The following KRT84 variants were observed in gnomAD, a reference collection of about 807,000 sequenced individuals.
KRT84 encodes the protein keratin, type II cuticular Hb4.
Under a neutral mutation model 49.0 loss-of-function variants are expected in KRT84, and 38 were observed. The observed-to-expected ratio is 0.78, with a 90% CI of 0.60 to 1.02. KRT84 has a LOEUF of 1.02. Among genes scored for constraint, KRT84 ranks in the 50% least tolerant of loss-of-function variants. The pLI is 0.00. For missense variants in KRT84, 860 were observed against 788.6 expected, an observed-to-expected ratio of 1.09 and a Z score of -1.08; for synonymous variants, 334 against 312.8, an observed-to-expected ratio of 1.07 and a Z score of -0.72.
At chr12:52,384,764 G>A (rs1025884815) in intron 1 of KRT84, among the ~76,000 whole-genome samples, 5 of 152,124 alleles carry the variant, frequency 3.3e-5, no homozygotes, top group Admixed American at 6.5e-5. Flanking sequence ...TTAGTTTGTC[G>A]AGATGCCCTC....
At position 52,380,467 on chromosome 12, in the gene KRT84, G is replaced by A; in HGVS notation, c.1320C>T (p.Asp440=). Residue 440 remains aspartate, a synonymous_variant, in exon 7 of 9, where the codon GAC becomes GAT. Transcript: ENST00000257951. ...GGTACTCGCACAGCTGCCGCGCCAT[G>A]TCCTGCTTGGCCTGCTGCAGGGCAC... ...LECALQQAKQ[D]MARQLCEYQE... The A allele has an allele frequency of 6.2e-7, 1 of 1,614,218 alleles. No homozygotes were observed. Among genetic ancestry groups the A allele is most frequent in the Non-Finnish European group, 8.5e-7 (1 of 1,180,012 alleles).
chr12:52,383,878 C>T (rs1292542617), intron 1 of KRT84, 80 bp from the exon 2 acceptor site: 8 of 1,164,300 alleles, frequency 6.9e-6, no homozygotes, highest in East Asian at 2.4e-5. Flanking sequence ...AGATGGCCAG[C>T]GATGACTTGA....
At chr12:52,381,608 G>A (rs1939487041) in intron 4 of KRT84, 83 bp from the exon 5 acceptor site, 2 of 1,391,248 alleles carry the variant, frequency 1.4e-6, no homozygotes, top group East Asian at 2.3e-5. Flanking sequence ...CCAGGAAGTG[G>A]TGCCAGGGGC....
In KRT84 at chr12:52,378,142, G is replaced by A. The variant is rs191551919; in HGVS notation, c.1695C>T (p.Ser565=). 9.6e-5 allele frequency: 150 copies of A among 1,567,914 alleles called. No homozygotes were observed. Among genetic ancestry groups the A allele is most frequent in the Non-Finnish European group, 1.2e-4 (136 of 1,158,750 alleles). ...CCTGGGTGGGCAGGGGGCAGGGGAC[G>A]CTGGGGACACAGGCCTCGCTGATGA... is the stretch of plus-strand genomic sequence containing the variant. ...SMLISEACVP[S]VPCPLPTQGG... The change falls in exon 9 of 9, where the codon AGC becomes AGT. Residue 565 remains serine, a synonymous_variant. Transcript: ENST00000257951.
At chr12:52,379,183 T>C (rs1029348313) in intron 8 of KRT84, among the ~76,000 whole-genome samples, 4 of 152,170 alleles carry the variant, frequency 2.6e-5, no homozygotes, top group Non-Finnish European at 5.9e-5. Flanking sequence ...TACACGTCAG[T>C]GTTCATTTGT....
rs915538148 is a variant in KRT84 at position 52,378,362 on chromosome 12, C to T, written c.1475G>A (p.Gly492Asp). ...PVNISVSSSRGGLVCGPEPLV... is the reference protein window; with the variant it reads ...PVNISVSSSRDGLVCGPEPLV... Reference sequence around the variant, plus strand: ...AGGCTCAGGCCCGCACACCAGGCCGCCCCGGGAGCTGCTGACGGCTGCGGA... The same window carrying T: ...AGGCTCAGGCCCGCACACCAGGCCGTCCCGGGAGCTGCTGACGGCTGCGGA... The change falls in exon 9 of 9, where the codon GGC (glycine) becomes GAC (aspartate). Residue 492 changes from glycine (G) to aspartate (D), a missense_variant. Transcript: ENST00000257951. 10 of 1,469,970 alleles carry T rather than the reference C, an allele frequency of 6.8e-6. No individual in the cohort carries two copies. In the Admixed American group the frequency reaches 7.3e-5, roughly 11 times the overall value. 91.1% of individuals were successfully genotyped at this position (1,469,970 alleles called of 1,614,324 possible).
chr12:52,381,704 G>A (rs186157630), intron 4 of KRT84, among the ~76,000 whole-genome samples, 179 bp from the exon 5 acceptor site: 29 of 152,282 alleles, frequency 1.9e-4, no homozygotes, highest in Admixed American at 1.7e-3. Flanking sequence ...ACCATCTCAG[G>A]CTGACTTTAG....
At chr12:52,384,841 C>A (rs1042757627) in intron 1 of KRT84, among the ~76,000 whole-genome samples, 199 bp downstream of exon 1, 1 of 152,304 alleles carries the variant, frequency 6.6e-6, no homozygotes, top group South Asian at 2.1e-4. Context: ...TCCCACCATG[C>A]AGCTCGTCCT....
intron 2 of KRT84, 86 bp from the exon 3 acceptor site, chr12:52,383,151 C>A: frequency 9.1e-7 from 1 of 1,100,168 alleles, no homozygotes; most frequent in South Asian, 1.3e-5. Flanking sequence ...TGCAAGATCT[C>A]TCAGTCTGTG....
At position 52,380,477 on chromosome 12, in the gene KRT84, G is replaced by A. The variant is rs756326386; in HGVS notation, c.1310C>T (p.Ala437Val). 1.2e-6 allele frequency: 2 copies of A among 1,614,132 alleles called. No homozygotes were observed. Among genetic ancestry groups the A allele is most frequent in the South Asian group, 1.1e-5 (1 of 91,076 alleles). The stretch of plus-strand genomic sequence containing the variant: ...CAGCTGCCGCGCCATGTCCTGCTTG[G>A]CCTGCTGCAGGGCACACTCCAGATC... Reference protein sequence around the residue: ...LADLECALQQAKQDMARQLCE... With the variant: ...LADLECALQQVKQDMARQLCE... The change falls in exon 7 of 9, where the codon GCC (alanine) becomes GTC (valine). Residue 437 changes from alanine (A) to valine (V), a missense_variant. Transcript: ENST00000257951.
At chr12:52,382,183 C>T (rs1791647) in intron 4 of KRT84, among the ~76,000 whole-genome samples, 40,357 of 152,070 alleles carry the variant, frequency 0.27, 6,032 homozygotes, top group African/African-American at 0.39. Flanking sequence ...TTTCTAGATC[C>T]CAGTCTTTAA....
At chr12:52,386,545 A>AGCAG (rs1939576514), upstream of KRT84, among the ~76,000 whole-genome samples, 1 of 151,904 alleles carries the variant, frequency 6.6e-6, no homozygotes, top group South Asian at 2.1e-4. Context: ...GAGGATTTCC[A>AGCAG]GCAGTCAACA....
rs878860575 is a variant in KRT84, at chr12:52,381,432, C to T, written c.1006G>A (p.Glu336Lys). ...RDLNLDGIIA[E>K]VKAQYEEVAR... ...ACCTCCTCATACTGGGCCTTGACCT[C>T]AGCAATGATCCCATCAAGGTTCAGG... Residue 336 changes from glutamate to lysine, a missense_variant, in exon 5 of 9, where the codon GAG (glutamate) becomes AAG (lysine). Transcript: ENST00000257951. 4 of 1,614,210 alleles carry T rather than the reference C, an allele frequency of 2.5e-6. No homozygotes were observed. Among genetic ancestry groups the T allele is most frequent in the Non-Finnish European group, 3.4e-6 (4 of 1,180,040 alleles).
At chr12:52,382,708 C>A (rs999299712) in intron 3 of KRT84, among the ~76,000 whole-genome samples, 176 bp from the exon 4 acceptor site, 24 of 152,194 alleles carry the variant, frequency 1.6e-4, no homozygotes, top group Admixed American at 1.5e-3. Context: ...AACATTCCCC[C>A]AGGGGCTGCT....
At position 52,381,462 on chromosome 12, in the gene KRT84, G is replaced by A. The variant is rs139738722; in HGVS notation, c.976C>T (p.Arg326Cys). ...ATGATCCCATCAAGGTTCAGGTCAC[G>A]GCTGTTGTCCATCTTCACAATGACC... is the stretch of plus-strand genomic sequence containing the variant. Reference protein sequence around the residue: ...TSVIVKMDNSRDLNLDGIIAE... With the variant: ...TSVIVKMDNSCDLNLDGIIAE... The change falls in exon 5 of 9, where the codon CGT (arginine) becomes TGT (cysteine). Residue 326 changes from arginine to cysteine, a missense_variant. By Grantham distance (180) the Arg-to-Cys change is radical. Coordinates refer to ENST00000257951, the MANE Select transcript of KRT84 (RefSeq NM_033045.4). 2.7e-4 allele frequency: 430 copies of A among 1,614,002 alleles called. 1 individual carries two copies. The highest frequency in any genetic ancestry group is 1.9e-4 in the Non-Finnish European group (225 of 1,180,028).
At chr12:52,385,898 T>TC (rs537133982), upstream of KRT84, among the ~76,000 whole-genome samples, 120 of 152,328 alleles carry the variant, frequency 7.9e-4, no homozygotes, top group African/African-American at 2.8e-3. Context: ...GTCTTTTTTT[T>TC]CCCTATAAGT....
In KRT84 at chr12:52,381,348, C is replaced by T; in HGVS notation, c.1077+13G>A. 1 of 1,614,172 alleles carries T rather than the reference C, an allele frequency of 6.2e-7. No individual in the cohort carries two copies. The highest frequency in any genetic ancestry group is 8.5e-7 in the Non-Finnish European group (1 of 1,180,006). On this transcript the variant is annotated intron_variant, in intron 5 of 8. Transcript: ENST00000257951. ...GAGCTGCCTACATCCCTTCCCCAGCCTCCACTGCCCACCTTGGTCTGGTAC... is the reference window on the plus strand; with the variant it reads ...GAGCTGCCTACATCCCTTCCCCAGCTTCCACTGCCCACCTTGGTCTGGTAC...
At chr12:52,386,153 C>T (rs1166613226), upstream of KRT84, among the ~76,000 whole-genome samples, 1 of 152,166 alleles carries the variant, frequency 6.6e-6, no homozygotes, top group Non-Finnish European at 1.5e-5. Context: ...ATTAAATCAT[C>T]AAAAAACCTT....
At position 52,383,682 on chromosome 12, in the gene KRT84, C is replaced by A. The variant is rs138204915; in HGVS notation, c.663G>T (p.Leu221=). ...EPLFESYITN[L]RRQLEVLVSD... ...TGACCAGCACCTCCAACTGCCTCCGCAGGTTGGTGATGTAGCTCTCGAAGA... is the reference window on the plus strand; with the variant it reads ...TGACCAGCACCTCCAACTGCCTCCGAAGGTTGGTGATGTAGCTCTCGAAGA... Residue 221 remains leucine (L), a synonymous_variant, in exon 2 of 9, where the codon CTG becomes CTT. Coordinates refer to ENST00000257951, the MANE Select transcript of KRT84 (RefSeq NM_033045.4). 2.7e-3 allele frequency: 4,402 copies of A among 1,614,204 alleles called. 11 individuals are homozygous for A. Among genetic ancestry groups the A allele is most frequent in the South Asian group, 3.3e-3 (299 of 91,074 alleles).
Sources: allele counts gnomAD v4.1 joint callset (sites outside exome capture counted in the v4.1 genomes callset), GRCh38; gene constraint gnomAD v4.1.1; transcripts MANE v1.5; gene names NCBI Gene and HGNC (gene_info 2026-07-23, HGNC 2026-07-21).